SYNE2: variants seen among roughly 807,000 people sequenced by gnomAD.
SYNE2 encodes spectrin repeat containing nuclear envelope protein 2, also known as nesprin-2.
Under a neutral mutation model 856.3 loss-of-function variants are expected in SYNE2, and 431 were observed. That is an observed-to-expected ratio of 0.50 (90% CI 0.47 to 0.55). SYNE2 has a LOEUF of 0.55. Ranked by LOEUF, SYNE2 falls within the 20% of genes least tolerant of loss-of-function variation. SYNE2 has a pLI of 0.00. For synonymous variants in SYNE2, 2,923 were observed against 2,872.3 expected, an observed-to-expected ratio of 1.02 and a Z score of -0.56; for missense variants, 8,129 against 8,023.2, an observed-to-expected ratio of 1.01 and a Z score of -0.50.
At chr14:63,832,039 A>G (rs1889688059) in intron 1 of SYNE2, among the ~76,000 whole-genome samples, 4 of 152,074 alleles carry the variant, frequency 2.6e-5, no homozygotes, top group Non-Finnish European at 5.9e-5. Context: ...TTGATTTGTA[A>G]TAGTCTATTA....
chr14:64,047,259 G>A (rs2097192820), intron 45 of SYNE2, among the ~76,000 whole-genome samples: 1 of 152,206 alleles, frequency 6.6e-6, no homozygotes, highest in South Asian at 2.1e-4. Context: ...GACTGAGTCT[G>A]GTGTCTTTAT....
intron 1 of SYNE2, 68 bp downstream of exon 1, chr14:63,853,211 G>C (rs1890800909): frequency 6.6e-6 from 1 of 151,828 alleles, no homozygotes; most frequent in Admixed American, 6.6e-5. Flanking sequence ...GGGAGGGGAA[G>C]GGGCGGGGGC....
intron 1 of SYNE2, among the ~76,000 whole-genome samples, chr14:63,833,881 T>TA (rs1889755832): frequency 6.7e-6 from 1 of 150,226 alleles, no homozygotes; most frequent in South Asian, 2.1e-4. Context: ...GATTTTTTTT[T>TA]AATGTGTCTG....
intron 1 of SYNE2, among the ~76,000 whole-genome samples, chr14:63,866,358 A>G (rs1895316412): frequency 6.6e-6 from 1 of 152,208 alleles, no homozygotes. Context: ...TAAGATTTGC[A>G]TCTGTTTTAA....
At position 64,223,282 on chromosome 14, in the gene SYNE2, T is replaced by C. The variant is rs1444525177; in HGVS notation, c.20284T>C (p.Cys6762Arg). The C allele has an allele frequency of 6.2e-7, 1 of 1,614,078 alleles. No individual in the cohort carries two copies. The highest frequency in any genetic ancestry group is 8.5e-7 in the Non-Finnish European group (1 of 1,180,038). The change falls in exon 113 of 116, where the codon TGT (cysteine) becomes CGT (arginine). Residue 6762 changes from cysteine to arginine, a missense_variant. Coordinates refer to ENST00000555002, the MANE Select transcript of SYNE2 (RefSeq NM_182914.3). ...TCTCATTAAGGGACATGGAGAAGAC[T>C]GTATTGAAGCTGAAGAAAAGGTGCA... ...SLLIKGHGED[C>R]IEAEEKVHVI...
intron 1 of SYNE2, among the ~76,000 whole-genome samples, chr14:63,885,833 G>T (rs1172894358): frequency 6.6e-6 from 1 of 152,118 alleles, no homozygotes; most frequent in African/African-American, 2.4e-5. Context: ...TTGACTACTC[G>T]CTGTGTGCCA....
At chr14:64,084,800 C>CTA in intron 57 of SYNE2, 1 of 587,018 alleles carries the variant, frequency 1.7e-6, no homozygotes, top group East Asian at 2.8e-5. Context: ...CATGGCTTAG[C>CTA]TAAGTATCTC....
chr14:64,150,321 A>AAAAAAAGG (rs766798501), intron 84 of SYNE2, among the ~76,000 whole-genome samples: 28 of 119,486 alleles, frequency 2.3e-4, no homozygotes, highest in African/African-American at 8.2e-4. Context: ...AAAAAAAAAA[A>AAAAAAAGG]GGATCCTCCC....
chr14:63,943,666 CTTATTA>C lies in SYNE2; in HGVS notation c.408+1532_408+1537del, dbSNP rs200589773. 6.1e-3 allele frequency among the ~76,000 whole-genome samples: 279 copies of C among 46,104 alleles called. 2 individuals carry two copies. In the South Asian group the frequency reaches 0.069, roughly 11 times the overall value. The allele number at this position is 46,104 out of a possible 152,430, so 30.2% of individuals were successfully genotyped here. On this transcript the variant is annotated intron_variant, in intron 6 of 115. Coordinates refer to ENST00000555002, the MANE Select transcript of SYNE2 (RefSeq NM_182914.3). ...TTTATTTATTTTTATTTTTTTATTA[CTTATTA>C]TTATTATTTTTTTTTTGAGACAGAG... is the stretch of plus-strand genomic sequence containing the variant.
chr14:63,815,948 CTTT>C (rs34053312), intron 1 of SYNE2, among the ~76,000 whole-genome samples: 7 of 128,902 alleles, frequency 5.4e-5, no homozygotes, highest in Admixed American at 1.6e-4. Context: ...TTAAATTATT[CTTT>C]TTTTTTTTTT....
Position 64,003,037 on chromosome 14 carries a change from T to C in SYNE2, c.4104T>C (p.His1368=). 6.2e-7 allele frequency: 1 copy of C among 1,614,134 alleles called. No individual in the cohort carries two copies. Among genetic ancestry groups the C allele is most frequent in the Non-Finnish European group, 8.5e-7 (1 of 1,180,024 alleles). The change falls in exon 30 of 116, where the codon CAT becomes CAC. Residue 1368 remains histidine, a synonymous_variant. Transcript: ENST00000555002. ...TAAAAAATAAAGAGGGAGAAATTCA[T>C]CTGATGAAAGACAAGGCCAAACATT... ...LTVKNKEGEI[H]LMKDKAKHLD... is the part of the protein sequence containing the mutation.
intron 1 of SYNE2, among the ~76,000 whole-genome samples, chr14:63,838,406 A>G (rs1201091864): frequency 6.6e-6 from 1 of 152,162 alleles, no homozygotes; most frequent in Non-Finnish European, 1.5e-5. Context: ...TACATTTAAA[A>G]TTTGTGCATT....
chr14:63,841,937 A>G (rs1277478561), intron 1 of SYNE2, among the ~76,000 whole-genome samples: 2 of 143,266 alleles, frequency 1.4e-5, no homozygotes, highest in Admixed American at 7.5e-5. Context: ...AGTTCACACT[A>G]TTTTCCTGCC....
chr14:63,970,152 A>G (rs1449306862), intron 11 of SYNE2, among the ~76,000 whole-genome samples: 1 of 151,812 alleles, frequency 6.6e-6, no homozygotes, highest in Non-Finnish European at 1.5e-5. Context: ...TCTATAAATG[A>G]CACCGTTGTA....
Position 63,990,504 on chromosome 14 carries a change from T to C in SYNE2, c.2407T>C (p.Ser803Pro). The change falls in exon 20 of 116, where the codon TCC becomes CCC. Residue 803 changes from serine (S) to proline (P), a missense_variant. Transcript: ENST00000555002. ...MDIQNISSQE[S>P]FQHVLTTGLQ... Reference sequence around the variant, plus strand: ...TATACAAAATATTTCAAGCCAGGAGTCCTTTCAACATGTTCTCACAACTGG... The same window carrying C: ...TATACAAAATATTTCAAGCCAGGAGCCCTTTCAACATGTTCTCACAACTGG... 1 of 1,613,564 alleles carries C rather than the reference T, an allele frequency of 6.2e-7. No homozygotes were observed. The highest frequency in any genetic ancestry group is 8.5e-7 in the Non-Finnish European group (1 of 1,179,848).
intron 1 of SYNE2, among the ~76,000 whole-genome samples, chr14:63,892,729 CTTTTTT>C (rs11293385): frequency 1.5e-5 from 2 of 130,246 alleles, no homozygotes; most frequent in Non-Finnish European, 1.6e-5. Flanking sequence ...GGTGTACTTT[CTTTTTT>C]TTTTTTTTTT....
Position 63,998,916 on chromosome 14 carries a change from A to G in SYNE2, c.3356A>G (p.Tyr1119Cys), listed in dbSNP as rs2096733484. The change falls in exon 27 of 116, where the codon TAT becomes TGT. Residue 1119 changes from tyrosine to cysteine, a missense_variant and splice_region_variant. Around this residue, in one of 3 missense-constraint regions of SYNE2, gnomAD observed 2,422 missense variants for 2,357.4 expected, o/e 1.03. Transcript: ENST00000555002. ...SASINSLLER[Y>C]DTYRDILEHH... The stretch of plus-strand genomic sequence containing the variant: ...ATGTTGCATTTCATTTTGCCCAGGT[A>G]TGATACATACAGAGATATTCTTGAA... 3 of 1,614,032 alleles carry G rather than the reference A, an allele frequency of 1.9e-6. No homozygotes were observed. The highest frequency in any genetic ancestry group is 2.5e-6 in the Non-Finnish European group (3 of 1,179,930).
At chr14:63,815,159 C>CATATATATACACATATATATCCAT (rs200196902) in intron 1 of SYNE2, among the ~76,000 whole-genome samples, 2 of 70,806 alleles carry the variant, frequency 2.8e-5, no homozygotes, top group Non-Finnish European at 5.1e-5. Flanking sequence ...CATATATATC[C>CATATATATACACATATATATCCAT]ATATATATCC....
intron 54 of SYNE2, among the ~76,000 whole-genome samples, chr14:64,076,593 C>G (rs1407975984): frequency 6.6e-6 from 1 of 151,996 alleles, no homozygotes; most frequent in Admixed American, 6.6e-5. Context: ...AATCTTTATA[C>G]CTGAAAGTCC....
Sources: allele counts gnomAD v4.1 joint callset (sites outside exome capture counted in the v4.1 genomes callset), GRCh38; gene constraint gnomAD v4.1.1; regional missense constraint gnomAD v4.1.1; transcripts MANE v1.5; gene names NCBI Gene and HGNC (gene_info 2026-07-23, HGNC 2026-07-21).